TCERG1: variants seen among roughly 807,000 people sequenced by gnomAD.
TCERG1 encodes the protein transcription elongation regulator 1, also known as TATA box binding protein (TBP)-associated factor, RNA polymerase II, S, 150kD.
TCERG1 carries 37 observed loss-of-function variants against 144.7 expected under a neutral mutation model. That is an observed-to-expected ratio of 0.26 (90% CI 0.20 to 0.34). The LOEUF (loss-of-function observed/expected upper bound fraction) is 0.34, where lower values mean the gene tolerates loss of function less well. TCERG1 is among the 10% of genes least tolerant of loss of function. The probability of loss-of-function intolerance (pLI) is 1.00; values close to 1 mark genes in which losing one functional copy is unlikely to be tolerated. For missense variants in TCERG1, 1,027 were observed against 1,380.7 expected, an observed-to-expected ratio of 0.74 and a Z score of 4.06; for synonymous variants, 492 against 458.2, an observed-to-expected ratio of 1.07 and a Z score of -0.94.
chr5:146,501,233 A>G (rs972156894), intron 17 of TCERG1, among the ~76,000 whole-genome samples: 6 of 152,086 alleles, frequency 3.9e-5, no homozygotes, highest in Admixed American at 3.3e-4. Context: ...CTGTGCATAA[A>G]TTATTTTTGT....
intron 5 of TCERG1, among the ~76,000 whole-genome samples, chr5:146,467,006 A>G (rs912963278): frequency 6.6e-6 from 1 of 152,228 alleles, no homozygotes; most frequent in Admixed American, 6.5e-5. Flanking sequence ...CCTTAACCAA[A>G]TGAATTTTTC....
At chr5:146,476,643 CTGTT>C (rs1396940148) in intron 9 of TCERG1, among the ~76,000 whole-genome samples, 1 of 152,206 alleles carries the variant, frequency 6.6e-6, no homozygotes, top group Non-Finnish European at 1.5e-5. Flanking sequence ...TGTGGTTTCT[CTGTT>C]TGAGTATTGT....
chr5:146,455,456 A>G (rs1762744744), intron 2 of TCERG1, among the ~76,000 whole-genome samples, 175 bp downstream of exon 2: 1 of 152,260 alleles, frequency 6.6e-6, no homozygotes, highest in South Asian at 2.1e-4. Flanking sequence ...AGTAATTACT[A>G]TGGAAATTCA....
At chr5:146,479,781 G>T in intron 10 of TCERG1, 74 bp from the exon 11 acceptor site, 1 of 1,461,746 alleles carries the variant, frequency 6.8e-7, no homozygotes, top group South Asian at 1.2e-5. Context: ...TATGTAAACA[G>T]TAATTTTTAA....
chr5:146,489,616 A>T (rs1424679800), intron 15 of TCERG1, among the ~76,000 whole-genome samples: 3 of 152,188 alleles, frequency 2.0e-5, no homozygotes, highest in Non-Finnish European at 2.9e-5. Flanking sequence ...TAAAATCATA[A>T]GTGAAATTTC....
intron 12 of TCERG1, 22 bp downstream of exon 12, chr5:146,480,116 A>C: frequency 6.5e-7 from 1 of 1,531,532 alleles, no homozygotes; most frequent in Non-Finnish European, 8.9e-7. Context: ...ATACGATTTG[A>C]TTGAGGTAGA....
At chr5:146,479,721 T>C (rs1371921034) in intron 10 of TCERG1, 134 bp from the exon 11 acceptor site, 2 of 786,400 alleles carry the variant, frequency 2.5e-6, no homozygotes, top group Non-Finnish European at 4.1e-6. Flanking sequence ...TGTAGAATTA[T>C]GCTTTGTTTA....
At chr5:146,454,336 A>G (rs575506675) in intron 1 of TCERG1, among the ~76,000 whole-genome samples, 1 of 152,252 alleles carries the variant, frequency 6.6e-6, no homozygotes, top group Admixed American at 6.5e-5. Context: ...GTCACACATT[A>G]TCTATCTGTC....
intron 15 of TCERG1, among the ~76,000 whole-genome samples, chr5:146,490,701 G>A (rs529126460): frequency 2.0e-5 from 3 of 152,094 alleles, no homozygotes; most frequent in Admixed American, 6.5e-5. Context: ...TTTTAGTTAC[G>A]GGAAATTCTC....
Position 146,492,900 on chromosome 5 carries a change from T to A in TCERG1, c.2164-20T>A, listed in dbSNP as rs770489719. On this transcript the variant is annotated intron_variant, in intron 15 of 22. Coordinates refer to ENST00000679501, the MANE Select transcript of TCERG1 (RefSeq NM_001382548.1). Reference sequence around the variant, plus strand: ...CTATATGAAAGATTGACTTGTCAAATTTGTTGATTTTTATAATAGGTGTTT... The same window carrying A: ...CTATATGAAAGATTGACTTGTCAAAATTGTTGATTTTTATAATAGGTGTTT... The A allele has an allele frequency of 6.4e-7, 1 of 1,560,260 alleles. No individual in the cohort carries two copies. The highest frequency in any genetic ancestry group is 1.1e-5 in the South Asian group (1 of 87,220).
intron 14 of TCERG1, 81 bp from the exon 15 acceptor site, chr5:146,483,459 C>G (rs1581498112): frequency 1.3e-5 from 16 of 1,211,356 alleles, no homozygotes; most frequent in Non-Finnish European, 1.8e-5. Context: ...AAACAGATAT[C>G]CTGTAGATTT....
intron 17 of TCERG1, among the ~76,000 whole-genome samples, chr5:146,500,923 G>A (rs781022310): frequency 4.6e-5 from 7 of 150,942 alleles, no homozygotes; most frequent in African/African-American, 1.5e-4. Context: ...TGGGAGGATC[G>A]CTTGAGCCCA....
At chr5:146,493,324 T>C (rs548113543) in intron 16 of TCERG1, among the ~76,000 whole-genome samples, 40 of 152,146 alleles carry the variant, frequency 2.6e-4, no homozygotes, top group African/African-American at 8.9e-4. Flanking sequence ...CTTTGTAAAG[T>C]TTTATACATA....
intron 4 of TCERG1, 145 bp downstream of exon 4, chr5:146,459,482 T>G (rs557521915): frequency 2.1e-6 from 3 of 1,413,832 alleles, no homozygotes; most frequent in Non-Finnish European, 2.8e-6. Context: ...CTAAAACTTT[T>G]GGGTTAGAGG....
At chr5:146,484,900 C>G (rs36068495) in intron 15 of TCERG1, among the ~76,000 whole-genome samples, 3,379 of 152,206 alleles carry the variant, frequency 0.022, 46 homozygotes, top group Non-Finnish European at 0.034. Context: ...TTGTTGATCT[C>G]CTTCATTCCA....
At chr5:146,474,141 G>A (rs1764607222) in intron 9 of TCERG1, among the ~76,000 whole-genome samples, 1 of 152,168 alleles carries the variant, frequency 6.6e-6, no homozygotes, top group South Asian at 2.1e-4. Context: ...CATTGTAGAT[G>A]CCATTAAGAA....
Position 146,459,110 on chromosome 5 carries a change from A to G in TCERG1, c.665A>G (p.Gln222Arg), listed in dbSNP as rs1182761151. The change falls in exon 4 of 23, where the codon CAA becomes CGA. Residue 222 changes from glutamine (Q) to arginine (R), a missense_variant. By Grantham distance (43) the Gln-to-Arg change is conservative (BLOSUM62 1). Coordinates refer to ENST00000679501, the MANE Select transcript of TCERG1 (RefSeq NM_001382548.1). Reference protein sequence around the residue: ...QAQAQAQAQAQAQAQAQAQAQ... With the variant: ...QAQAQAQAQARAQAQAQAQAQ... ...CAGGCCCAGGCCCAGGCCCAGGCCC[A>G]AGCCCAAGCCCAGGCCCAGGCTCAG... The G allele has an allele frequency of 6.3e-7, 1 of 1,595,774 alleles. No individual in the cohort carries two copies. The highest frequency in any genetic ancestry group is 1.3e-5 in the African/African-American group (1 of 74,330).
intron 17 of TCERG1, 179 bp from the exon 18 acceptor site, chr5:146,503,196 T>C (rs1465872969): frequency 2.1e-6 from 1 of 469,554 alleles, no homozygotes; most frequent in Non-Finnish European, 3.6e-6. Flanking sequence ...ACATTTCTAG[T>C]AAAAGAACAC....
intron 17 of TCERG1, among the ~76,000 whole-genome samples, chr5:146,501,599 C>G (rs1196272193): frequency 1.3e-5 from 2 of 152,068 alleles, no homozygotes; most frequent in African/African-American, 4.8e-5. Flanking sequence ...GTAAATTTTG[C>G]CTTCCAGTTG....
Sources: allele counts gnomAD v4.1 joint callset (sites outside exome capture counted in the v4.1 genomes callset), GRCh38; gene constraint gnomAD v4.1.1; transcripts MANE v1.5; gene names NCBI Gene and HGNC (gene_info 2026-07-23, HGNC 2026-07-21).